The following ELAPOR1 variants were observed in gnomAD, a reference collection of about 807,000 sequenced individuals.
ELAPOR1 encodes endosome-lysosome associated apoptosis and autophagy regulator 1.
ELAPOR1 carries 77 observed loss-of-function variants against 119.7 expected under a neutral mutation model. The observed-to-expected ratio is 0.64, with a 90% CI of 0.54 to 0.78. The LOEUF (loss-of-function observed/expected upper bound fraction) is 0.78, where lower values mean the gene tolerates loss of function less well. Ranked by LOEUF, ELAPOR1 falls within the 30% of genes least tolerant of loss-of-function variation. The pLI is 0.00. For synonymous variants in ELAPOR1, 481 were observed against 487.2 expected (o/e 0.99, Z 0.17); for missense variants, 1,115 against 1,270.4 (o/e 0.88, Z 1.86).
chr1:109,144,061 A>ATATATATATATATAT, intron 1 of ELAPOR1, among the ~76,000 whole-genome samples: 9 of 88,990 alleles, frequency 1.0e-4, no homozygotes, highest in African/African-American at 3.9e-4. Context: ...ATATTTATAT[A>ATATATATATATATAT]TTTTTTTTTT....
intron 7 of ELAPOR1, among the ~76,000 whole-genome samples, chr1:109,181,205 GT>G (rs1373690265): frequency 4.6e-5 from 7 of 152,176 alleles, no homozygotes; most frequent in Non-Finnish European, 7.3e-5. Context: ...CAGGAGAAAT[GT>G]TTTACTTTGA....
chr1:109,198,637 C>G lies in ELAPOR1; in HGVS notation c.2464C>G (p.Pro822Ala). The change falls in exon 18 of 22, where the codon CCA becomes GCA. Residue 822 changes from proline to alanine, a missense_variant. By Grantham distance (27) the Pro-to-Ala change is conservative (BLOSUM62 -1). Transcript: ENST00000369939. ...AACCACCATCCGCGTCAGGTGCAGTCCACAGAAAACTGTCCCTGGAAGTTT... is the reference window on the plus strand; with the variant it reads ...AACCACCATCCGCGTCAGGTGCAGTGCACAGAAAACTGTCCCTGGAAGTTT... ...RSTTIRVRCS[P>A]QKTVPGSLLL... 2 of 1,613,886 alleles carry G rather than the reference C, an allele frequency of 1.2e-6. No homozygotes were observed. Among genetic ancestry groups the G allele is most frequent in the Non-Finnish European group, 1.7e-6 (2 of 1,179,934 alleles).
chr1:109,149,919 G>A (rs1011211694), intron 1 of ELAPOR1, among the ~76,000 whole-genome samples: 3 of 152,218 alleles, frequency 2.0e-5, no homozygotes, highest in African/African-American at 7.2e-5. Flanking sequence ...GGAGGCTTTT[G>A]TGAGGGCTAA....
chr1:109,158,549 C>T (rs1309044443), intron 1 of ELAPOR1, among the ~76,000 whole-genome samples: 3 of 152,116 alleles, frequency 2.0e-5, no homozygotes, highest in Non-Finnish European at 4.4e-5. Context: ...TACAGTTCCC[C>T]ACCCTCTCAT....
chr1:109,116,946 C>A (rs1002389460), intron 1 of ELAPOR1, among the ~76,000 whole-genome samples: 2 of 152,186 alleles, frequency 1.3e-5, no homozygotes, highest in African/African-American at 4.8e-5. Flanking sequence ...CCGCCTTGGC[C>A]TCCCAGAGTG....
intron 3 of ELAPOR1, among the ~76,000 whole-genome samples, chr1:109,168,725 C>T (rs936910667): frequency 6.6e-6 from 1 of 152,156 alleles, no homozygotes; most frequent in Non-Finnish European, 1.5e-5. Flanking sequence ...ATATGCAGAT[C>T]ACAACTGGAT....
Position 109,203,532 on chromosome 1 carries a change from T to C in ELAPOR1, c.*520T>C, listed in dbSNP as rs1032699118. On this transcript the variant is annotated 3_prime_UTR_variant, in exon 22 of 22. Transcript: ENST00000369939. Reference sequence around the variant, plus strand: ...ATAACCAGCTCAAAGGGAGTGAAAATGGTAGTCTGAGGGCAAGGGGAGCAA... The same window carrying C: ...ATAACCAGCTCAAAGGGAGTGAAAACGGTAGTCTGAGGGCAAGGGGAGCAA... 3.9e-5 allele frequency: 6 copies of C among 151,928 alleles called. No individual in the cohort carries two copies. Among genetic ancestry groups the C allele is most frequent in the African/African-American group, 1.5e-4 (6 of 41,186 alleles). 9.4% of individuals were successfully genotyped at this position (151,928 alleles called of 1,614,324 possible). A position where few individuals can be genotyped will look rare whatever the true frequency, so the allele number is the denominator to read the frequency against.
chr1:109,115,718 G>A (rs1303587752), intron 1 of ELAPOR1, among the ~76,000 whole-genome samples: 1 of 152,190 alleles, frequency 6.6e-6, no homozygotes, highest in East Asian at 1.9e-4. Flanking sequence ...GAGGATTTTT[G>A]TGTGAATAAA....
chr1:109,117,471 T>C (rs1206448478), intron 1 of ELAPOR1, among the ~76,000 whole-genome samples: 1 of 152,158 alleles, frequency 6.6e-6, no homozygotes, highest in African/African-American at 2.4e-5. Context: ...CCAGTCTATA[T>C]TGAAAAGCCC....
chr1:109,198,935 G>C (rs1653996233), intron 18 of ELAPOR1, among the ~76,000 whole-genome samples: 1 of 152,208 alleles, frequency 6.6e-6, no homozygotes. Context: ...GCTCGGCTGA[G>C]AGCCAGGTTG....
At chr1:109,134,680 C>T (rs139134685) in intron 1 of ELAPOR1, among the ~76,000 whole-genome samples, 18 of 152,230 alleles carry the variant, frequency 1.2e-4, no homozygotes, top group East Asian at 7.8e-4. Context: ...TAAAGCCCTG[C>T]GGAGCTGAGC....
intron 20 of ELAPOR1, 106 bp from the exon 21 acceptor site, chr1:109,200,629 A>G (rs1654109330): frequency 9.6e-7 from 1 of 1,044,684 alleles, no homozygotes; most frequent in African/African-American, 1.6e-5. Flanking sequence ...CAGTCTCCTT[A>G]CCCATGGCAT....
chr1:109,115,564 C>T (rs902512060), intron 1 of ELAPOR1, among the ~76,000 whole-genome samples: 2 of 152,192 alleles, frequency 1.3e-5, no homozygotes, highest in Non-Finnish European at 2.9e-5. Context: ...TAAGAATGAG[C>T]CACTGCGCCC....
intron 1 of ELAPOR1, among the ~76,000 whole-genome samples, chr1:109,142,115 A>G (rs2101000815): frequency 6.6e-6 from 1 of 152,318 alleles, no homozygotes; most frequent in Non-Finnish European, 1.5e-5. Flanking sequence ...TGGGAATCAT[A>G]AGGACATAAA....
chr1:109,199,951 A>G lies in ELAPOR1; in HGVS notation c.2599A>G (p.Ile867Val), dbSNP rs542698203. The change falls in exon 19 of 22, where the codon ATC (isoleucine) becomes GTC (valine). Residue 867 changes from isoleucine to valine, a missense_variant. Transcript: ENST00000369939. ...CTGCTCAGTGGCTGACTACCATGCT[A>G]TCGTCAGCAGCTGTGTGGCTGGGAT... Reference protein sequence around the residue: ...PLCSVADYHAIVSSCVAGIQK... With the variant: ...PLCSVADYHAVVSSCVAGIQK... 1.8e-5 allele frequency: 29 copies of G among 1,614,096 alleles called. 1 individual carries two copies. The South Asian group carries it at 3.1e-4, about 17-fold the overall frequency.
intron 1 of ELAPOR1, among the ~76,000 whole-genome samples, chr1:109,148,997 G>T (rs1229124246): frequency 6.6e-6 from 1 of 152,214 alleles, no homozygotes; most frequent in Non-Finnish European, 1.5e-5. Context: ...TGAGGGACTG[G>T]CCGCAGTTAC....
chr1:109,114,914 C>A (rs1025204589), intron 1 of ELAPOR1, among the ~76,000 whole-genome samples: 2 of 152,090 alleles, frequency 1.3e-5, no homozygotes, highest in Non-Finnish European at 2.9e-5. Context: ...CTCCTTATAG[C>A]TTGGCCTCCC....
chr1:109,174,448 A>AT (rs1652131412), intron 7 of ELAPOR1, among the ~76,000 whole-genome samples: 1 of 137,782 alleles, frequency 7.3e-6, no homozygotes, highest in Non-Finnish European at 1.5e-5. Flanking sequence ...AAAAAAAAAA[A>AT]TCATTCAATA....
chr1:109,152,659 A>G (rs1393435020), intron 1 of ELAPOR1, among the ~76,000 whole-genome samples: 1 of 152,168 alleles, frequency 6.6e-6, no homozygotes. Context: ...AAAAAGGACC[A>G]TGAGGCCGGC....
Sources: allele counts gnomAD v4.1 joint callset (sites outside exome capture counted in the v4.1 genomes callset), GRCh38; gene constraint gnomAD v4.1.1; transcripts MANE v1.5; gene names NCBI Gene and HGNC (gene_info 2026-07-23, HGNC 2026-07-21).